GLB1L2: variants seen among roughly 807,000 people sequenced by gnomAD.
GLB1L2 encodes beta-galactosidase-1-like protein 2.
Under a neutral mutation model 84.1 loss-of-function variants are expected in GLB1L2, and 68 were observed. That is an observed-to-expected ratio of 0.81 (90% confidence interval 0.67 to 0.99). The LOEUF (loss-of-function observed/expected upper bound fraction) is 0.99, where lower values mean the gene tolerates loss of function less well. Among genes scored for constraint, GLB1L2 ranks in the 50% least tolerant of loss-of-function variants. GLB1L2 has a pLI of 0.00. For missense variants in GLB1L2, 762 were observed against 805.6 expected (o/e 0.95, Z 0.66); for synonymous variants, 290 against 318.0 (o/e 0.91, Z 0.94).
chr11:134,364,527 C>G, intron 8 of GLB1L2, 129 bp downstream of exon 8: 1 of 725,234 alleles, frequency 1.4e-6, no homozygotes, highest in Non-Finnish European at 2.3e-6. Context: ...CTCTGGCCCC[C>G]CGCCCATGCC....
Position 134,370,206 on chromosome 11 carries a change from G to C in GLB1L2, c.1109-87G>C. ...TGGTGCTGGGACGCAGGAGCACATC[G>C]GGTCTGTGGATGGGAGCCGGGTGGG... On this transcript the variant is annotated intron_variant, in intron 11 of 18. Transcript: ENST00000535456. The surrounding 1 kb of genome is among the most constrained non-coding windows in gnomAD (Gnocchi z 4.7). The C allele has an allele frequency of 4.6e-6, 5 of 1,080,454 alleles. No homozygotes were observed. The highest frequency in any genetic ancestry group is 7.1e-6 in the Non-Finnish European group (5 of 700,062). 66.9% of individuals were successfully genotyped at this position (1,080,454 alleles called of 1,614,324 possible).
At chr11:134,342,196 G>T (rs1943473685) in intron 1 of GLB1L2, among the ~76,000 whole-genome samples, 1 of 152,064 alleles carries the variant, frequency 6.6e-6, no homozygotes, top group Non-Finnish European at 1.5e-5. Flanking sequence ...GCCTTCGACG[G>T]CCTTCCCGTG....
At chr11:134,363,067 T>G (rs1943818627) in intron 7 of GLB1L2, among the ~76,000 whole-genome samples, 1 of 152,200 alleles carries the variant, frequency 6.6e-6, no homozygotes, top group East Asian at 1.9e-4. Flanking sequence ...CTTAGCCCTG[T>G]GCATCCTGCG....
At chr11:134,361,492 C>T (rs1943789470) in intron 7 of GLB1L2, 2 of 152,328 alleles carry the variant, frequency 1.3e-5, no homozygotes, top group African/African-American at 4.8e-5. Context: ...TGCACAGTAT[C>T]TGTGAATTCT....
Position 134,371,765 on chromosome 11 carries a change from T to A in GLB1L2, c.1442T>A (p.Leu481Gln). 6 of 1,614,128 alleles carry A rather than the reference T, an allele frequency of 3.7e-6. No individual in the cohort carries two copies. Among genetic ancestry groups the A allele is most frequent in the Non-Finnish European group, 5.1e-6 (6 of 1,180,016 alleles). The change falls in exon 15 of 19, where the codon CTG (leucine) becomes CAG (glutamine). Residue 481 changes from leucine (L) to glutamine (Q), a missense_variant. Leu to Gln is a moderately radical substitution (Grantham distance 113). Around this residue, in one of 3 missense-constraint regions of GLB1L2, gnomAD observed 603 missense variants for 611.7 expected, o/e 0.99. Transcript: ENST00000535456. Reference protein sequence around the residue: ...AVPLIQGYTVLRILVENRGRV... With the variant: ...AVPLIQGYTVQRILVENRGRV... The stretch of plus-strand genomic sequence containing the variant: ...TGTTCCCGGCAGGGTTACACCGTGC[T>A]GAGGATCTTGGTGGAGAATCGTGGG...
intron 4 of GLB1L2, 142 bp from the exon 5 acceptor site, chr11:134,347,183 C>A: frequency 1.4e-6 from 1 of 710,562 alleles, no homozygotes; most frequent in East Asian, 2.5e-5. Flanking sequence ...TGTCTCCCCA[C>A]TTCTGGGCTC....
chr11:134,339,078 C>G lies in GLB1L2; in HGVS notation c.87-3676C>G, dbSNP rs1216925143. ...TCCAGTTCAAAAGAAGGCAGGTGTT[C>G]CTGGTTTCATCAGATAAAGGTCCAT... On this transcript the variant is annotated intron_variant, in intron 1 of 18. Coordinates refer to ENST00000535456, the MANE Select transcript of GLB1L2 (RefSeq NM_001370461.1). The surrounding 1 kb of genome is among the most constrained non-coding windows in gnomAD (Gnocchi z 5.7). 6.6e-6 allele frequency among the ~76,000 whole-genome samples: 1 copy of G among 152,176 alleles called. No homozygotes were observed. The highest frequency in any genetic ancestry group is 1.5e-5 in the Non-Finnish European group (1 of 68,030).
chr11:134,344,867 A>G lies in GLB1L2; in HGVS notation c.354-167A>G, dbSNP rs544022321. 3.3e-5 allele frequency among the ~76,000 whole-genome samples: 5 copies of G among 152,314 alleles called. No homozygotes were observed. The East Asian group carries it at 9.7e-4, about 29-fold the overall frequency. On this transcript the variant is annotated intron_variant, in intron 3 of 18. Coordinates refer to ENST00000535456, the MANE Select transcript of GLB1L2 (RefSeq NM_001370461.1). ...GCTGTGCAGAGGCTCTGAGGCTGGG[A>G]GCAGCTCAGGCCACCGACCTGGTGT...
intron 9 of GLB1L2, among the ~76,000 whole-genome samples, chr11:134,367,922 G>A (rs575464061): frequency 4.6e-5 from 7 of 152,246 alleles, no homozygotes; most frequent in Admixed American, 1.3e-4. Flanking sequence ...CGAGCATCCC[G>A]GTGAGCATCC....
rs745536188 is a variant in GLB1L2, at chr11:134,371,046, G to T, written c.1254G>T (p.Leu418=). The T allele has an allele frequency of 1.2e-6, 2 of 1,614,162 alleles. No individual in the cohort carries two copies. Among genetic ancestry groups the T allele is most frequent in the Non-Finnish European group, 1.7e-6 (2 of 1,180,018 alleles). ...AAAAGCCCATCAACATGGAGAACCT[G>T]CCAGTCAATGGGGGAAATGGACAGT... ...KSEKPINMEN[L]PVNGGNGQSF... is the part of the protein sequence containing the mutation. The change falls in exon 13 of 19, where the codon CTG becomes CTT. Residue 418 remains leucine (L), a synonymous_variant. Coordinates refer to ENST00000535456, the MANE Select transcript of GLB1L2 (RefSeq NM_001370461.1).
At position 134,371,044 on chromosome 11, in the gene GLB1L2, C is replaced by T; in HGVS notation, c.1252C>T (p.Leu418=). Residue 418 remains leucine (L), a synonymous_variant, in exon 13 of 19, where the codon CTG becomes TTG. Transcript: ENST00000535456. ...TGAAAAGCCCATCAACATGGAGAAC[C>T]TGCCAGTCAATGGGGGAAATGGACA... The part of the protein sequence containing the change: ...KSEKPINMEN[L]PVNGGNGQSF... 6.2e-7 allele frequency: 1 copy of T among 1,614,210 alleles called. No homozygotes were observed. The highest frequency in any genetic ancestry group is 8.5e-7 in the Non-Finnish European group (1 of 1,180,038).
chr11:134,348,631 C>G (rs73604953), intron 5 of GLB1L2, among the ~76,000 whole-genome samples: 3,600 of 152,182 alleles, frequency 0.024, 149 homozygotes, highest in African/African-American at 0.081. Flanking sequence ...GCCATTTTAA[C>G]CATTTTGAAA....
Position 134,334,016 on chromosome 11 carries a change from G to A in GLB1L2, c.86+1869G>A, listed in dbSNP as rs1943342753. On this transcript the variant is annotated intron_variant, in intron 1 of 18. Coordinates refer to ENST00000535456, the MANE Select transcript of GLB1L2 (RefSeq NM_001370461.1). The surrounding 1 kb of genome is among the most constrained non-coding windows in gnomAD (Gnocchi z 4.1). ...TGGGTACATTCTGCCAGTTCCTCCT[G>A]TCTGACTTGGGCTGGACACCAGTGA... 1.3e-5 allele frequency among the ~76,000 whole-genome samples: 2 copies of A among 152,160 alleles called. No homozygotes were observed. The highest frequency in any genetic ancestry group is 2.9e-5 in the Non-Finnish European group (2 of 68,024).
chr11:134,374,465 C>T (rs945400095), intron 17 of GLB1L2, 137 bp from the exon 18 acceptor site: 32 of 781,620 alleles, frequency 4.1e-5, no homozygotes, highest in Non-Finnish European at 6.2e-5. Context: ...ATAGAGCATC[C>T]CACCTGCCCA....
rs1943926513 is a variant in GLB1L2 at position 134,370,055 on chromosome 11, T to TACACCGGCTTA, written c.1108+170_1108+171insACACCGGCTTA. ...TGAGGCTGTTTCCATCTTGCCGGCT[T>TACACCGGCTTA]CACCTGTTACAGGTGTTAACGCTCC... On this transcript the variant is annotated intron_variant, in intron 11 of 18. Transcript: ENST00000535456. This position sits in a 1 kb window ranked among gnomAD's most constrained non-coding sequence, Gnocchi z 4.7. Among the ~76,000 whole-genome samples, 1 of 152,064 alleles carries TACACCGGCTTA rather than the reference T, an allele frequency of 6.6e-6. No homozygotes were observed. The highest frequency in any genetic ancestry group is 1.5e-5 in the Non-Finnish European group (1 of 68,012).
In GLB1L2 at chr11:134,371,148, G is replaced by C; in HGVS notation, c.1356G>C (p.Gln452His). The part of the protein sequence containing the change: ...ILSGHVHDRG[Q>H]VFVNTVSIGF... The stretch of plus-strand genomic sequence containing the variant: ...GTGGCCACGTGCATGATCGGGGGCA[G>C]GTAGGAGCTTCTCTTCTAAATTCCT... The change falls in exon 13 of 19, where the codon CAG (glutamine) becomes CAC (histidine). Residue 452 changes from glutamine to histidine, a missense_variant and splice_region_variant. Around this residue, in one of 3 missense-constraint regions of GLB1L2, gnomAD observed 603 missense variants for 611.7 expected, o/e 0.99. Coordinates refer to ENST00000535456, the MANE Select transcript of GLB1L2 (RefSeq NM_001370461.1). 1 of 1,614,138 alleles carries C rather than the reference G, an allele frequency of 6.2e-7. No homozygotes were observed. The highest frequency in any genetic ancestry group is 2.2e-5 in the East Asian group (1 of 44,882).
chr11:134,360,388 T>C (rs1378665033), intron 7 of GLB1L2: 1 of 152,302 alleles, frequency 6.6e-6, no homozygotes, highest in Non-Finnish European at 1.5e-5. Context: ...ACCTCGTGTC[T>C]CCGGCATGGG....
At chr11:134,352,543 C>T (rs1283197744) in intron 5 of GLB1L2, among the ~76,000 whole-genome samples, 4 of 151,900 alleles carry the variant, frequency 2.6e-5, no homozygotes, top group African/African-American at 9.7e-5. Context: ...TGGTTTGAGA[C>T]CTTTTGTCTT....
chr11:134,362,081 T>C (rs1177078937), intron 7 of GLB1L2, among the ~76,000 whole-genome samples: 1 of 152,208 alleles, frequency 6.6e-6, no homozygotes, highest in Non-Finnish European at 1.5e-5. Context: ...CTTGTGTTTG[T>C]GTATTGGGTG....
Sources: gnomAD v4.1 joint callset for allele counts (sites outside exome capture counted in the v4.1 genomes callset) on GRCh38, gnomAD v4.1.1 for gene constraint, gnomAD v4.1.1 regional missense constraint, Gnocchi (gnomAD v3.1) non-coding constraint, MANE v1.5 for transcripts, NCBI Gene and HGNC (gene_info 2026-07-23, HGNC 2026-07-21) for gene names.